The following SLIT1 variants were observed in gnomAD, a reference collection of about 807,000 sequenced individuals.
SLIT1 encodes slit homolog 1 protein.
In SLIT1, 66 loss-of-function variants were observed where a neutral mutation model predicts 186.1. That is an observed-to-expected ratio of 0.35 (90% CI 0.29 to 0.44). SLIT1 has a LOEUF of 0.44. Ranked by LOEUF, SLIT1 falls within the 20% of genes least tolerant of loss-of-function variation. The pLI, the probability that SLIT1 is intolerant of heterozygous loss-of-function variation, is 1.00. For missense variants in SLIT1, 1,638 were observed against 2,037.4 expected (o/e 0.80, Z 3.77); for synonymous variants, 761 against 833.8 (o/e 0.91, Z 1.50).
At chr10:97,151,408 T>G (rs1589412549) in intron 4 of SLIT1, among the ~76,000 whole-genome samples, 5 of 134,828 alleles carry the variant, frequency 3.7e-5, no homozygotes, top group Non-Finnish European at 4.7e-5. Flanking sequence ...AGGCAGGTGG[T>G]GAGTGGGTGG....
chr10:97,080,759 G>A (rs56328482), intron 4 of SLIT1, among the ~76,000 whole-genome samples: 1 of 152,224 alleles, frequency 6.6e-6, no homozygotes, highest in African/African-American at 2.4e-5. Flanking sequence ...TCAATTTGAC[G>A]TATTGGTCAT....
At chr10:97,070,383 C>A (rs2134645229) in intron 4 of SLIT1, among the ~76,000 whole-genome samples, 2 of 152,302 alleles carry the variant, frequency 1.3e-5, no homozygotes, top group Admixed American at 1.3e-4. Flanking sequence ...TACATCACTT[C>A]TTTTTGGGGG....
At chr10:97,055,835 T>C (rs559344453) in intron 13 of SLIT1, among the ~76,000 whole-genome samples, 3 of 152,356 alleles carry the variant, frequency 2.0e-5, no homozygotes, top group African/African-American at 7.2e-5. Flanking sequence ...TTTTTTGTAC[T>C]ATCAATAAAG....
At chr10:97,168,485 G>A (rs1038662190) in intron 1 of SLIT1, among the ~76,000 whole-genome samples, 1 of 152,170 alleles carries the variant, frequency 6.6e-6, no homozygotes, top group African/African-American at 2.4e-5. Flanking sequence ...GCAAGGTTCT[G>A]AAGATAAGAG....
intron 1 of SLIT1, among the ~76,000 whole-genome samples, chr10:97,167,848 C>A (rs1850140494): frequency 6.6e-6 from 1 of 152,238 alleles, no homozygotes; most frequent in Non-Finnish European, 1.5e-5. Flanking sequence ...TCCTGCACTT[C>A]TCCTTGCTCC....
At chr10:97,071,879 T>C (rs1440751410) in intron 4 of SLIT1, among the ~76,000 whole-genome samples, 1 of 152,120 alleles carries the variant, frequency 6.6e-6, no homozygotes, top group Admixed American at 6.5e-5. Flanking sequence ...ATTAATGGGG[T>C]TTGAGTGTCT....
chr10:97,119,622 C>T (rs980659924), intron 4 of SLIT1, among the ~76,000 whole-genome samples: 2 of 151,630 alleles, frequency 1.3e-5, no homozygotes, highest in Non-Finnish European at 2.9e-5. Flanking sequence ...GGAGACGGCG[C>T]CTTGGGTTCA....
chr10:97,149,237 GC>G (rs1036694189), intron 4 of SLIT1, among the ~76,000 whole-genome samples: 7 of 152,226 alleles, frequency 4.6e-5, no homozygotes, highest in African/African-American at 1.7e-4. Flanking sequence ...TCTGAGGCCG[GC>G]CGCCCTCTTC....
chr10:97,053,849 T>C (rs1848812621), intron 13 of SLIT1, among the ~76,000 whole-genome samples: 1 of 152,208 alleles, frequency 6.6e-6, no homozygotes, highest in Non-Finnish European at 1.5e-5. Context: ...AAAAGAATGT[T>C]AGAATTCTGA....
intron 4 of SLIT1, among the ~76,000 whole-genome samples, chr10:97,088,897 G>C (rs1484701523): frequency 6.6e-6 from 1 of 152,166 alleles, no homozygotes; most frequent in Non-Finnish European, 1.5e-5. Context: ...CTCATGAGCT[G>C]TCATGGGGAG....
chr10:97,076,210 C>T (rs1849044417), intron 4 of SLIT1, among the ~76,000 whole-genome samples: 1 of 152,206 alleles, frequency 6.6e-6, no homozygotes. Context: ...CCAGCACTCA[C>T]AGCAGAGGAA....
chr10:97,111,664 C>G (rs1039591908), intron 4 of SLIT1, among the ~76,000 whole-genome samples: 25 of 152,168 alleles, frequency 1.6e-4, no homozygotes, highest in Non-Finnish European at 2.6e-4. Flanking sequence ...AAATGTTTTG[C>G]TTTGATAATG....
In SLIT1 at chr10:97,064,502, C is replaced by T. The variant is rs137929998; in HGVS notation, c.558-263G>A. 5.5e-3 allele frequency among the ~76,000 whole-genome samples: 833 copies of T among 152,192 alleles called. 9 individuals carry two copies. The highest frequency in any genetic ancestry group is 0.019 in the African/African-American group (777 of 41,528). On this transcript the variant is annotated intron_variant, in intron 6 of 36. Transcript: ENST00000266058. ...ATGGAGCAGGGCGGGTGATGGGACG[C>T]GTCCCAGGCTTGGGTTGGCTTGGAA...
intron 12 of SLIT1, 81 bp from the exon 13 acceptor site, chr10:97,056,545 T>C: frequency 6.9e-7 from 1 of 1,447,666 alleles, no homozygotes. Context: ...CCTTCTTCAG[T>C]CCCGGCCTGC....
At chr10:97,106,484 G>C (rs7895402) in intron 4 of SLIT1, among the ~76,000 whole-genome samples, 43,381 of 151,930 alleles carry the variant, frequency 0.29, 6,829 homozygotes, top group African/African-American at 0.43. Context: ...ATCTGACTCA[G>C]GTCTGCCAGA....
chr10:97,164,842 C>A lies in SLIT1; in HGVS notation c.246G>T (p.Ala82=), dbSNP rs751041739. Residue 82 remains alanine (A), a synonymous_variant, in exon 2 of 37, where the codon GCG becomes GCT. Coordinates refer to ENST00000266058, the MANE Select transcript of SLIT1 (RefSeq NM_003061.3). ...ACAGCACCCGCAGCTGCTTGAGCCC[C>A]GCAAAGTCATTCTTATGGATCCGAG... ...NITRIHKNDF[A]GLKQLRVLQL... 29 of 1,613,496 alleles carry A rather than the reference C, an allele frequency of 1.8e-5. No homozygotes were observed. The highest frequency in any genetic ancestry group is 4.4e-5 in the South Asian group (4 of 91,062).
Position 97,001,316 on chromosome 10 carries a change from A to G in SLIT1, c.4401T>C (p.Phe1467=). 6.2e-7 allele frequency: 1 copy of G among 1,613,114 alleles called. No individual in the cohort carries two copies. Among genetic ancestry groups the G allele is most frequent in the Non-Finnish European group, 8.5e-7 (1 of 1,179,974 alleles). The change falls in exon 37 of 37, where the codon TTT becomes TTC. Residue 1467 remains phenylalanine, a synonymous_variant. Transcript: ENST00000266058. ...TGGCATAGCCCCTCTGGACCTGGTG[A>G]AAGTCCCGGACAGGGTCCCCCCGGC... is the stretch of plus-strand genomic sequence containing the variant. ...SECRGDPVRD[F]HQVQRGYAIC...
intron 4 of SLIT1, among the ~76,000 whole-genome samples, chr10:97,088,674 G>C (rs1361184412): frequency 1.3e-5 from 2 of 152,172 alleles, no homozygotes; most frequent in African/African-American, 4.8e-5. Flanking sequence ...CTGTGTGGAT[G>C]TGCCCAAATC....
At position 97,091,293 on chromosome 10, in the gene SLIT1, C is replaced by T. The variant is rs56327223; in HGVS notation, c.414-25207G>A. Among the ~76,000 whole-genome samples the T allele has an allele frequency of 9.0e-3, 1,371 of 152,344 alleles. 9 individuals carry two copies. Among genetic ancestry groups the T allele is most frequent in the Non-Finnish European group, 0.01 (692 of 68,036 alleles). On this transcript the variant is annotated intron_variant, in intron 4 of 36. Transcript: ENST00000266058. Reference sequence around the variant, plus strand: ...CCTGGAGAGGGGCTTCTCCTCATGTCTTTCCGTGAAGTGAGCCAGGTTCCT... The same window carrying T: ...CCTGGAGAGGGGCTTCTCCTCATGTTTTTCCGTGAAGTGAGCCAGGTTCCT...
Sources: gnomAD v4.1 joint callset for allele counts (sites outside exome capture counted in the v4.1 genomes callset) on GRCh38, gnomAD v4.1.1 for gene constraint, MANE v1.5 for transcripts, NCBI Gene and HGNC (gene_info 2026-07-23, HGNC 2026-07-21) for gene names.